The following AGTPBP1 variants were observed in gnomAD, a reference collection of about 807,000 sequenced individuals.
AGTPBP1 encodes ATP/GTP binding carboxypeptidase 1.
AGTPBP1 carries 70 observed loss-of-function variants against 143.9 expected under a neutral mutation model. That is an observed-to-expected ratio of 0.49 (90% CI 0.40 to 0.59). The LOEUF is 0.59. AGTPBP1 is among the 20% of genes least tolerant of loss of function. The pLI, the probability that AGTPBP1 is intolerant of heterozygous loss-of-function variation, is 0.00. For synonymous variants in AGTPBP1, 463 were observed against 500.2 expected (o/e 0.93, Z 0.99); for missense variants, 1,229 against 1,464.5 (o/e 0.84, Z 2.62).
intron 3 of AGTPBP1, among the ~76,000 whole-genome samples, chr9:85,683,276 C>T (rs1835301048): frequency 6.6e-6 from 1 of 152,116 alleles, no homozygotes; most frequent in Non-Finnish European, 1.5e-5. Context: ...TTTACTTTTT[C>T]TCCAGCCCTG....
At chr9:85,645,173 T>C (rs1832737927) in intron 12 of AGTPBP1, among the ~76,000 whole-genome samples, 1 of 152,152 alleles carries the variant, frequency 6.6e-6, no homozygotes, top group Non-Finnish European at 1.5e-5. Flanking sequence ...ACTATGTATA[T>C]GTAAAGAGTT....
intron 25 of AGTPBP1, among the ~76,000 whole-genome samples, chr9:85,559,602 C>T (rs1415620513): frequency 6.7e-6 from 1 of 149,732 alleles, no homozygotes; most frequent in African/African-American, 2.5e-5. Context: ...GCTGAAATGG[C>T]TGCAGAAACT....
chr9:85,667,554 G>A (rs1274858454), intron 8 of AGTPBP1, among the ~76,000 whole-genome samples: 1 of 152,126 alleles, frequency 6.6e-6, no homozygotes, highest in African/African-American at 2.4e-5. Context: ...CTAATGGGTA[G>A]ATAACCTCAA....
At chr9:85,736,775 C>T (rs1391716143) in intron 1 of AGTPBP1, among the ~76,000 whole-genome samples, 1 of 152,152 alleles carries the variant, frequency 6.6e-6, no homozygotes, top group Non-Finnish European at 1.5e-5. Flanking sequence ...TTACTGGCAT[C>T]TTGGACTGAG....
chr9:85,565,577 G>C (rs1323787483), intron 25 of AGTPBP1, among the ~76,000 whole-genome samples: 3 of 152,168 alleles, frequency 2.0e-5, no homozygotes, highest in Non-Finnish European at 4.4e-5. Context: ...GGACAGGGGG[G>C]TGATCTTAGT....
At position 85,741,900 on chromosome 9, in the gene AGTPBP1, G is replaced by A; in HGVS notation, c.-159C>T. On this transcript the variant is annotated 5_prime_UTR_variant, in exon 1 of 26. Transcript: ENST00000357081. ...TCATACAAACCCCGGTGGCAGGCGA[G>A]GCGGAGGCGGCGGCGGCGGCAGCTG... The A allele has an allele frequency of 7.4e-7, 1 of 1,342,846 alleles. No homozygotes were observed. 83.2% of individuals were successfully genotyped at this position (1,342,846 alleles called of 1,614,324 possible). A position where few individuals can be genotyped will look rare whatever the true frequency, so the allele number is the denominator to read the frequency against.
the AGTPBP1 span, among the ~76,000 whole-genome samples, chr9:85,776,069 T>A: frequency 5.7e-4 from 87 of 152,288 alleles, no homozygotes; most frequent in African/African-American, 2.0e-3. Context: ...AATAAGGTTA[T>A]AATTACACCT....
rs1415465798 is a variant in AGTPBP1 at position 85,632,709 on chromosome 9, C to T, written c.1968G>A (p.Pro656=). ...VAYPDYFGHI[P]PPFKEPILER... is the part of the protein sequence containing the mutation. The stretch of plus-strand genomic sequence containing the variant: ...CTAAAATAGGCTCTTTGAATGGAGG[C>T]GGAATGTGACCAAAATAATCGGGAT... Residue 656 remains proline, a synonymous_variant, in exon 14 of 26, where the codon CCG becomes CCA. Transcript: ENST00000357081. The T allele has an allele frequency of 5.0e-6, 8 of 1,613,318 alleles. No homozygotes were observed. Among genetic ancestry groups the T allele is most frequent in the Non-Finnish European group, 6.8e-6 (8 of 1,179,640 alleles).
At chr9:85,556,537 A>C (rs1826353908) in intron 25 of AGTPBP1, among the ~76,000 whole-genome samples, 1 of 152,192 alleles carries the variant, frequency 6.6e-6, no homozygotes, top group East Asian at 1.9e-4. Flanking sequence ...TAAAAGACAA[A>C]GATGACTAAC....
At chr9:85,625,619 C>T (rs940983829) in intron 14 of AGTPBP1, among the ~76,000 whole-genome samples, 2 of 151,558 alleles carry the variant, frequency 1.3e-5, no homozygotes, top group African/African-American at 2.4e-5. Context: ...GGCACGGTGG[C>T]TCACACCGGT....
At chr9:85,593,155 G>C (rs1235034552) in intron 18 of AGTPBP1, among the ~76,000 whole-genome samples, 1 of 152,148 alleles carries the variant, frequency 6.6e-6, no homozygotes, top group African/African-American at 2.4e-5. Context: ...CTGATGTGAT[G>C]CAATGGGAAT....
At chr9:85,692,631 A>T in intron 3 of AGTPBP1, 58 bp downstream of exon 3, 1 of 1,570,724 alleles carries the variant, frequency 6.4e-7, no homozygotes, top group South Asian at 1.2e-5. Flanking sequence ...CATTTTTAGC[A>T]TCCACTTTTA....
chr9:85,656,914 A>G (rs1313001004), intron 10 of AGTPBP1, among the ~76,000 whole-genome samples: 1 of 152,252 alleles, frequency 6.6e-6, no homozygotes, highest in East Asian at 1.9e-4. Context: ...ACATCCTAGA[A>G]AACATGGCTT....
chr9:85,800,225 C>T, the AGTPBP1 span, among the ~76,000 whole-genome samples: 14 of 152,206 alleles, frequency 9.2e-5, no homozygotes, highest in African/African-American at 3.4e-4. Context: ...TGAATTTGGG[C>T]AGCATGGAAT....
chr9:85,688,795 T>C (rs914819313), intron 3 of AGTPBP1, among the ~76,000 whole-genome samples: 15 of 152,236 alleles, frequency 9.9e-5, no homozygotes, highest in Non-Finnish European at 1.5e-5. Context: ...TGGTTTTTTA[T>C]ATCATTTAAA....
At chr9:85,579,484 AG>A (rs1345460661) in intron 23 of AGTPBP1, among the ~76,000 whole-genome samples, 1 of 152,228 alleles carries the variant, frequency 6.6e-6, no homozygotes, top group South Asian at 2.1e-4. Flanking sequence ...AATACAGCTA[AG>A]ACAATCACAA....
In AGTPBP1 at chr9:85,632,921, T is replaced by C; in HGVS notation, c.1756A>G (p.Thr586Ala). ...CAGCAAAGCTTCCCTAGCTGAACTG[T>C]TCTTCCCTCAAACAGAACATTTCCA... ...TCGNVLFEGR[T>A]VQLGKLCCTG... Residue 586 changes from threonine (T) to alanine (A), a missense_variant, in exon 14 of 26, where the codon ACA becomes GCA. By Grantham distance (58) the Thr-to-Ala change is moderately conservative (BLOSUM62 0). Around this residue, in one of 2 missense-constraint regions of AGTPBP1, gnomAD observed 743 missense variants for 812.2 expected, o/e 0.91. Transcript: ENST00000357081. 6.2e-7 allele frequency: 1 copy of C among 1,614,148 alleles called. No homozygotes were observed.
chr9:85,593,761 C>T (rs904974783), intron 18 of AGTPBP1, among the ~76,000 whole-genome samples: 3 of 152,100 alleles, frequency 2.0e-5, no homozygotes, highest in Admixed American at 1.3e-4. Flanking sequence ...GCCTCATTAT[C>T]TTATTATCTG....
chr9:85,558,620 A>G (rs1175843500), intron 25 of AGTPBP1, among the ~76,000 whole-genome samples: 7 of 152,060 alleles, frequency 4.6e-5, no homozygotes, highest in Non-Finnish European at 8.8e-5. Context: ...TCACTTACCT[A>G]TAATTTTTTT....
Sources: gnomAD v4.1 joint callset for allele counts (sites outside exome capture counted in the v4.1 genomes callset) on GRCh38, gnomAD v4.1.1 for gene constraint, gnomAD v4.1.1 regional missense constraint, MANE v1.5 for transcripts, NCBI Gene and HGNC (gene_info 2026-07-23, HGNC 2026-07-21) for gene names.